BAZ2B: variants seen among roughly 807,000 people sequenced by gnomAD.
The protein encoded by BAZ2B is bromodomain adjacent to zinc finger domain protein 2B.
In BAZ2B, 91 loss-of-function variants were observed where a neutral mutation model predicts 246.0. That is an observed-to-expected ratio of 0.37 (90% confidence interval 0.31 to 0.44). The LOEUF (loss-of-function observed/expected upper bound fraction) is 0.44. Among genes scored for constraint, BAZ2B ranks in the 20% least tolerant of loss-of-function variants. BAZ2B has a pLI of 1.00. For synonymous variants in BAZ2B, 855 were observed against 860.0 expected (o/e 0.99, Z 0.10); for missense variants, 2,332 against 2,533.7 (o/e 0.92, Z 1.71).
chr2:159,484,998 TC>T (rs2079659829), intron 2 of BAZ2B, among the ~76,000 whole-genome samples: 1 of 152,120 alleles, frequency 6.6e-6, no homozygotes, highest in South Asian at 2.1e-4. Context: ...ATTCAGTGAG[TC>T]CTTACTTTTC....
the BAZ2B span, among the ~76,000 whole-genome samples, chr2:159,643,542 G>A: frequency 5.7e-3 from 863 of 152,072 alleles, 8 homozygotes; most frequent in African/African-American, 0.02. Context: ...TTGGTCCCCC[G>A]TAATTCATAC....
chr2:159,453,094 C>T (rs556459309), intron 4 of BAZ2B, among the ~76,000 whole-genome samples: 5 of 151,962 alleles, frequency 3.3e-5, no homozygotes, highest in Non-Finnish European at 5.9e-5. Context: ...AGCAAGATTT[C>T]GTTTCAGAAA....
chr2:159,332,886 T>C (rs2148914580), intron 33 of BAZ2B, 200 bp from the exon 34 acceptor site: 2 of 578,284 alleles, frequency 3.5e-6, no homozygotes, highest in South Asian at 2.2e-5. Flanking sequence ...TCTATTGGGG[T>C]AAATGCACAT....
intron 2 of BAZ2B, among the ~76,000 whole-genome samples, chr2:159,532,634 C>T (rs921647816): frequency 6.6e-6 from 1 of 152,160 alleles, no homozygotes; most frequent in African/African-American, 2.4e-5. Flanking sequence ...CCTGAAATCT[C>T]TAAGTACTTA....
At chr2:159,511,326 C>T (rs2082895570) in intron 2 of BAZ2B, among the ~76,000 whole-genome samples, 1 of 152,058 alleles carries the variant, frequency 6.6e-6, no homozygotes, top group South Asian at 2.1e-4. Context: ...GACTCAGCCT[C>T]CCAAGTAGCT....
chr2:159,428,220 A>G, intron 12 of BAZ2B, 91 bp downstream of exon 12: 6 of 1,203,094 alleles, frequency 5.0e-6, no homozygotes, highest in Non-Finnish European at 6.0e-6. Flanking sequence ...AGTATCAAGG[A>G]ACTTTATCTG....
chr2:159,353,398 G>T (rs1028018233), intron 27 of BAZ2B, among the ~76,000 whole-genome samples: 6 of 152,202 alleles, frequency 3.9e-5, no homozygotes, highest in Non-Finnish European at 7.3e-5. Flanking sequence ...TCTTGTGATT[G>T]CCCCAGCTTA....
chr2:159,627,142 C>G, the BAZ2B span, among the ~76,000 whole-genome samples: 4 of 152,170 alleles, frequency 2.6e-5, no homozygotes, highest in African/African-American at 9.6e-5. Context: ...CCTGAATAGA[C>G]CAATAACAAG....
intron 6 of BAZ2B, among the ~76,000 whole-genome samples, 165 bp downstream of exon 6, chr2:159,446,617 A>G (rs2074285679): frequency 6.6e-6 from 1 of 152,186 alleles, no homozygotes; most frequent in South Asian, 2.1e-4. Flanking sequence ...TATTATTACT[A>G]TTTGTATTAT....
the BAZ2B span, among the ~76,000 whole-genome samples, chr2:159,658,559 C>T: frequency 1.3e-5 from 2 of 151,914 alleles, no homozygotes; most frequent in Admixed American, 1.3e-4. Context: ...GCTCTGTTGC[C>T]CAGGATGGAG....
upstream of BAZ2B, among the ~76,000 whole-genome samples, chr2:159,619,663 TAA>T (rs1014246874): frequency 6.6e-6 from 1 of 150,616 alleles, no homozygotes; most frequent in Admixed American, 6.6e-5. Context: ...TGATTCTTCT[TAA>T]AAAAAAATGA....
rs2071471266 is a variant in BAZ2B, at chr2:159,433,202, T to C, written c.1455A>G (p.Thr485=). The C allele has an allele frequency of 1.2e-6, 2 of 1,614,086 alleles. No homozygotes were observed. The highest frequency in any genetic ancestry group is 1.1e-5 in the South Asian group (1 of 91,082). ...LENNHPNPFL[T]NALLGNHQPN... ...GTTGGTGATTACCTAAAAGTGCATTTGTCAAGAATGGATTTGGGTGGTTGT... is the reference window on the plus strand; with the variant it reads ...GTTGGTGATTACCTAAAAGTGCATTCGTCAAGAATGGATTTGGGTGGTTGT... The change falls in exon 9 of 37, where the codon ACA becomes ACG. Residue 485 remains threonine (T), a synonymous_variant. Transcript: ENST00000392783.
chr2:159,673,636 GAC>G, the BAZ2B span, among the ~76,000 whole-genome samples: 1 of 151,372 alleles, frequency 6.6e-6, no homozygotes, highest in African/African-American at 2.4e-5. Flanking sequence ...TTAAACTATG[GAC>G]ACCCACAGAC....
rs142337058 is a variant in BAZ2B, at chr2:159,360,121, G to T, written c.4214-9764C>A. 2.0e-4 allele frequency among the ~76,000 whole-genome samples: 31 copies of T among 152,252 alleles called. No homozygotes were observed. The East Asian group carries it at 5.8e-3, about 28-fold the overall frequency. ...TTCTGGCCGGGGCAATCAGGTAAAA[G>T]AATGAAATAAAGGTCATTCAAATAG... is the stretch of plus-strand genomic sequence containing the variant. On this transcript the variant is annotated intron_variant, in intron 27 of 36. Coordinates refer to ENST00000392783, the MANE Select transcript of BAZ2B (RefSeq NM_013450.4).
At chr2:159,683,162 A>AT in the BAZ2B span, among the ~76,000 whole-genome samples, 1 of 151,972 alleles carries the variant, frequency 6.6e-6, no homozygotes, top group Non-Finnish European at 1.5e-5. Context: ...CTAATGTCTA[A>AT]TTTTTTTTCT....
At chr2:159,337,478 T>C in intron 32 of BAZ2B, 89 bp downstream of exon 32, 1 of 1,610,768 alleles carries the variant, frequency 6.2e-7, no homozygotes, top group Non-Finnish European at 8.5e-7. Context: ...CCATCACCAC[T>C]AACGGATGGT....
At chr2:159,698,914 A>G in the BAZ2B span, among the ~76,000 whole-genome samples, 6,336 of 152,318 alleles carry the variant, frequency 0.042, 422 homozygotes, top group African/African-American at 0.14. Flanking sequence ...TCTAAAACAT[A>G]TTAGTACATA....
chr2:159,626,303 A>C, the BAZ2B span, among the ~76,000 whole-genome samples: 5 of 152,156 alleles, frequency 3.3e-5, no homozygotes, highest in African/African-American at 4.8e-5. Context: ...CAGGACTTCA[A>C]CTCAGCTCTG....
intron 3 of BAZ2B, among the ~76,000 whole-genome samples, chr2:159,465,496 C>T (rs190194019): frequency 5.6e-4 from 85 of 152,176 alleles, no homozygotes; most frequent in Non-Finnish European, 9.4e-4. Context: ...TCTCAAGTAA[C>T]CTACTACTAA....
Sources: gnomAD v4.1 joint callset for allele counts (sites outside exome capture counted in the v4.1 genomes callset) on GRCh38, gnomAD v4.1.1 for gene constraint, MANE v1.5 for transcripts, NCBI Gene and HGNC (gene_info 2026-07-23, HGNC 2026-07-21) for gene names.